FAM53B: variants seen among roughly 807,000 people sequenced by gnomAD.
FAM53B encodes family with sequence similarity 53 member B, also known as protein FAM53B.
Under a neutral mutation model 32.7 loss-of-function variants are expected in FAM53B, and 12 were observed. The observed-to-expected ratio is 0.37, with a 90% CI of 0.24 to 0.59. The LOEUF (loss-of-function observed/expected upper bound fraction) is 0.59, where lower values mean the gene tolerates loss of function less well. Among genes scored for constraint, FAM53B ranks in the 20% least tolerant of loss-of-function variants. The pLI is 0.72. For synonymous variants in FAM53B, 234 were observed against 228.7 expected, an observed-to-expected ratio of 1.02 and a Z score of -0.21; for missense variants, 477 against 577.7, an observed-to-expected ratio of 0.83 and a Z score of 1.79.
rs1949911408 is a variant in FAM53B at position 124,700,903 on chromosome 10, G to C, written c.79-4691C>G. ...AGTGGAGCACCCACACTTCCGAAATGCAACCCCGCGAGACCGTGGCAGTCG... is the reference window on the plus strand; with the variant it reads ...AGTGGAGCACCCACACTTCCGAAATCCAACCCCGCGAGACCGTGGCAGTCG... On this transcript the variant is annotated intron_variant, in intron 2 of 4. Coordinates refer to ENST00000337318, the MANE Select transcript of FAM53B (RefSeq NM_014661.4). 4.6e-5 allele frequency among the ~76,000 whole-genome samples: 7 copies of C among 152,226 alleles called. No individual in the cohort carries two copies. In the South Asian group the frequency reaches 1.4e-3, roughly 31 times the overall value.
At position 124,651,631 on chromosome 10, in the gene FAM53B, GCCT is replaced by G. The variant is rs530126913; in HGVS notation, c.907-28030_907-28028del. ...ACCTCCGAGACAGTGAGGCCCAGCG[GCCT>G]CCTCATTTCCTCCTCAGGGGAGCAC... On this transcript the variant is annotated intron_variant, in intron 4 of 4. Coordinates refer to ENST00000337318, the MANE Select transcript of FAM53B (RefSeq NM_014661.4). This position sits in a 1 kb window ranked among gnomAD's most constrained non-coding sequence, Gnocchi z 5.2. Among the ~76,000 whole-genome samples the G allele has an allele frequency of 1.6e-4, 24 of 152,216 alleles. No homozygotes were observed. The highest frequency in any genetic ancestry group is 1.2e-3 in the South Asian group (6 of 4,812).
chr10:124,703,155 C>T (rs1209047648), intron 2 of FAM53B, among the ~76,000 whole-genome samples: 2 of 152,190 alleles, frequency 1.3e-5, no homozygotes, highest in Non-Finnish European at 2.9e-5. Flanking sequence ...AGCCATTCTC[C>T]TGCCTCAGCC....
At chr10:124,712,129 T>C (rs1481045824) in intron 1 of FAM53B, among the ~76,000 whole-genome samples, 1 of 151,834 alleles carries the variant, frequency 6.6e-6, no homozygotes, top group Non-Finnish European at 1.5e-5. Context: ...CTGACGTCAG[T>C]GGATCACTTG....
At chr10:124,690,837 A>G (rs1303501641) in intron 3 of FAM53B, among the ~76,000 whole-genome samples, 2 of 152,154 alleles carry the variant, frequency 1.3e-5, no homozygotes, top group East Asian at 1.9e-4. Flanking sequence ...TTTTTTTTCA[A>G]TGAAAACAAA....
At chr10:124,738,271 C>A (rs1174179068) in intron 1 of FAM53B, among the ~76,000 whole-genome samples, 1 of 152,102 alleles carries the variant, frequency 6.6e-6, no homozygotes, top group East Asian at 1.9e-4. Flanking sequence ...AGAATCGACT[C>A]AGGAACTTTA....
At chr10:124,728,721 A>G (rs1180376567) in intron 1 of FAM53B, among the ~76,000 whole-genome samples, 1 of 152,234 alleles carries the variant, frequency 6.6e-6, no homozygotes, top group African/African-American at 2.4e-5. Flanking sequence ...TTGTACCATA[A>G]CAACACATTC....
intron 4 of FAM53B, among the ~76,000 whole-genome samples, chr10:124,631,316 G>T (rs1003297911): frequency 2.6e-5 from 4 of 152,202 alleles, no homozygotes; most frequent in Non-Finnish European, 5.9e-5. Context: ...CTGAAGGAGT[G>T]GGGGAAGGAG....
Position 124,677,537 on chromosome 10 carries a change from C to T in FAM53B, c.906+4070G>A, listed in dbSNP as rs116841249. Among the ~76,000 whole-genome samples the T allele has an allele frequency of 3.9e-5, 6 of 152,370 alleles. No individual in the cohort carries two copies. The East Asian group carries it at 7.7e-4, about 20-fold the overall frequency. On this transcript the variant is annotated intron_variant, in intron 4 of 4. Transcript: ENST00000337318. ...GTTGTAATTACAAGTACAGGGAGGG[C>T]GGCCACTGCTGGACTAGGTCCTTGC...
At chr10:124,689,265 T>C (rs1187595938) in intron 3 of FAM53B, among the ~76,000 whole-genome samples, 1 of 151,814 alleles carries the variant, frequency 6.6e-6, no homozygotes, top group African/African-American at 2.4e-5. Flanking sequence ...GAAAAGAACA[T>C]GGGGGTGGGG....
chr10:124,657,954 T>C (rs1949604971), intron 4 of FAM53B, among the ~76,000 whole-genome samples: 1 of 152,208 alleles, frequency 6.6e-6, no homozygotes, highest in Non-Finnish European at 1.5e-5. Flanking sequence ...TCCTTTCTGC[T>C]TGCTTGCTTT....
chr10:124,712,220 G>T (rs938291490), intron 1 of FAM53B, among the ~76,000 whole-genome samples: 1 of 152,108 alleles, frequency 6.6e-6, no homozygotes, highest in Non-Finnish European at 1.5e-5. Context: ...GCTTGGCATG[G>T]TGGTGCATGC....
At chr10:124,731,248 G>A (rs939649811) in intron 1 of FAM53B, among the ~76,000 whole-genome samples, 2 of 152,336 alleles carry the variant, frequency 1.3e-5, no homozygotes, top group Middle Eastern at 3.4e-3. Flanking sequence ...GAATGAAAAC[G>A]GGAAAGAACT....
At chr10:124,684,357 T>C (rs1949790368) in intron 3 of FAM53B, among the ~76,000 whole-genome samples, 6 of 152,214 alleles carry the variant, frequency 3.9e-5, no homozygotes, top group Admixed American at 3.9e-4. Flanking sequence ...ATCAATTACG[T>C]CCAAAAATCA....
At position 124,620,593 on chromosome 10, in the gene FAM53B, G is replaced by A. The variant is rs1207677526; in HGVS notation, c.*2649C>T. The A allele has an allele frequency of 6.6e-6, 1 of 152,322 alleles. No homozygotes were observed. Among genetic ancestry groups the A allele is most frequent in the African/African-American group, 2.4e-5 (1 of 41,442 alleles). The allele number at this position is 152,322 out of a possible 1,614,324, so 9.4% of individuals were successfully genotyped here. ...GCTGCCCATGGGGACACCAATGTGG[G>A]GGGCACCTCCTAGGCGAACCTCCCT... is the stretch of plus-strand genomic sequence containing the variant. On this transcript the variant is annotated 3_prime_UTR_variant, in exon 5 of 5. Coordinates refer to ENST00000337318, the MANE Select transcript of FAM53B (RefSeq NM_014661.4).
At chr10:124,722,474 T>C (rs1044981038) in intron 1 of FAM53B, among the ~76,000 whole-genome samples, 1 of 152,142 alleles carries the variant, frequency 6.6e-6, no homozygotes, top group African/African-American at 2.4e-5. Context: ...AAATAAATAA[T>C]TGTGCCAATA....
intron 4 of FAM53B, among the ~76,000 whole-genome samples, chr10:124,676,300 C>T (rs996325516): frequency 6.6e-6 from 1 of 152,216 alleles, no homozygotes; most frequent in Non-Finnish European, 1.5e-5. Flanking sequence ...ATAAGGGGTG[C>T]TCCACCTCTG....
chr10:124,682,108 G>A lies in FAM53B; in HGVS notation c.405C>T (p.Ser135=), dbSNP rs2134068807. ...TCTTTTCCACGGGAGTCCAGACTTT[G>A]GAGCCCAAGGGCCTCCATGATGTCC... ...SCRTSWRPLG[S]KVWTPVEKRR... The change falls in exon 4 of 5, where the codon TCC becomes TCT. Residue 135 remains serine (S), a synonymous_variant. Coordinates refer to ENST00000337318, the MANE Select transcript of FAM53B (RefSeq NM_014661.4). This position sits in a 1 kb window ranked among gnomAD's most constrained non-coding sequence, Gnocchi z 5.2. The A allele has an allele frequency of 6.2e-7, 1 of 1,613,722 alleles. No homozygotes were observed. The highest frequency in any genetic ancestry group is 1.3e-5 in the African/African-American group (1 of 75,056).
chr10:124,700,877 G>A (rs1395431210), intron 2 of FAM53B, among the ~76,000 whole-genome samples: 2 of 152,238 alleles, frequency 1.3e-5, no homozygotes, highest in Non-Finnish European at 2.9e-5. Context: ...GCGGGGGAAC[G>A]AGTGGAGCAC....
chr10:124,706,276 T>C (rs7896875), intron 2 of FAM53B, among the ~76,000 whole-genome samples: 142,440 of 152,180 alleles, frequency 0.94, 67,358 homozygotes, highest in Non-Finnish European at 1. Flanking sequence ...TATCTGGGCC[T>C]CCATTCAGGG....
Sources: allele counts gnomAD v4.1 joint callset (sites outside exome capture counted in the v4.1 genomes callset), GRCh38; gene constraint gnomAD v4.1.1; non-coding constraint Gnocchi (gnomAD v3.1); transcripts MANE v1.5; gene names NCBI Gene and HGNC (gene_info 2026-07-23, HGNC 2026-07-21).